Variants in FAXC observed in about 807,000 individuals in gnomAD.
FAXC encodes the protein failed axon connections homolog, metaxin like GST domain containing.
A neutral mutation model predicts 41.9 loss-of-function variants in FAXC; 10 were observed. The ratio of observed to expected loss-of-function variants is 0.24; its 90% CI spans 0.15 to 0.41. The LOEUF (loss-of-function observed/expected upper bound fraction) is 0.41, where lower values mean the gene tolerates loss of function less well. Ranked by LOEUF, FAXC falls within the 10% of genes least tolerant of loss-of-function variation. The probability of loss-of-function intolerance (pLI) is 1.00; values close to 1 mark genes in which losing one functional copy is unlikely to be tolerated. For missense variants in FAXC, 399 were observed against 510.9 expected, an observed-to-expected ratio of 0.78 and a Z score of 2.11; for synonymous variants, 183 against 183.8, an observed-to-expected ratio of 1.00 and a Z score of 0.03.
At chr6:99,331,898 T>C (rs1488210560) in intron 3 of FAXC, among the ~76,000 whole-genome samples, 1 of 152,224 alleles carries the variant, frequency 6.6e-6, no homozygotes, top group East Asian at 1.9e-4. Context: ...GATGCAGTCA[T>C]GCATTCTGGT....
chr6:99,301,408 T>C (rs1771701247), intron 4 of FAXC, among the ~76,000 whole-genome samples: 2 of 152,230 alleles, frequency 1.3e-5, no homozygotes, highest in South Asian at 4.1e-4. Context: ...GCCACAGGCA[T>C]TGCATGCTTG....
At chr6:99,348,517 T>C (rs146204199) in intron 1 of FAXC, among the ~76,000 whole-genome samples, 4 of 152,262 alleles carry the variant, frequency 2.6e-5, no homozygotes, top group Non-Finnish European at 5.9e-5. Flanking sequence ...CACACAACAA[T>C]GACATCTAAG....
intron 4 of FAXC, among the ~76,000 whole-genome samples, chr6:99,296,347 G>C (rs1198194499): frequency 6.6e-6 from 1 of 152,046 alleles, no homozygotes; most frequent in African/African-American, 2.4e-5. Flanking sequence ...AGACTTGGGT[G>C]GTGAGGCACT....
intron 1 of FAXC, among the ~76,000 whole-genome samples, chr6:99,347,973 C>A (rs1773658876): frequency 6.6e-6 from 1 of 152,214 alleles, no homozygotes; most frequent in Non-Finnish European, 1.5e-5. Context: ...CAATACATTT[C>A]TCCAAACCTA....
chr6:99,294,445 T>C (rs950686130), intron 4 of FAXC, among the ~76,000 whole-genome samples: 7 of 152,242 alleles, frequency 4.6e-5, no homozygotes, highest in Non-Finnish European at 7.4e-5. Flanking sequence ...CCCTGTGGGA[T>C]TGTACCAGGC....
rs1411216175 is a variant in FAXC at position 99,333,460 on chromosome 6, T to A, written c.490A>T (p.Ile164Phe). Residue 164 changes from isoleucine to phenylalanine, a missense_variant, in exon 3 of 6, where the codon ATT becomes TTT. This residue lies in a region of FAXC where 239 missense variants were observed against 352.7 expected (regional missense o/e 0.68). Transcript: ENST00000389677. ...HEKVSGTEFI[I>F]DFLEEKLGVN... is the part of the protein sequence containing the mutation. ...CCAAGCTTCTCTTCCAGAAAGTCAA[T>A]TATGAATTCTGTGCCAGAAACTTTT... The A allele has an allele frequency of 4.3e-6, 7 of 1,614,042 alleles. No individual in the cohort carries two copies. Among genetic ancestry groups the A allele is most frequent in the Non-Finnish European group, 5.1e-6 (6 of 1,180,036 alleles).
intron 5 of FAXC, among the ~76,000 whole-genome samples, chr6:99,283,861 T>C (rs1770920789): frequency 6.6e-6 from 1 of 152,168 alleles, no homozygotes; most frequent in Non-Finnish European, 1.5e-5. Flanking sequence ...ATCCATTCCT[T>C]ACTAGCTTTT....
chr6:99,293,341 C>T (rs181245699), intron 4 of FAXC, among the ~76,000 whole-genome samples: 6 of 152,266 alleles, frequency 3.9e-5, no homozygotes, highest in African/African-American at 1.2e-4. Context: ...TCATGCTGTG[C>T]ACCCTCTCTC....
At chr6:99,304,237 GATTGCACC>G (rs1456012040) in intron 4 of FAXC, among the ~76,000 whole-genome samples, 23 of 152,016 alleles carry the variant, frequency 1.5e-4, no homozygotes, top group African/African-American at 5.1e-4. Flanking sequence ...AGTGAGACGA[GATTGCACC>G]ATTGCACTCC....
chr6:99,318,509 G>C (rs1772462821), intron 4 of FAXC, among the ~76,000 whole-genome samples: 1 of 152,038 alleles, frequency 6.6e-6, no homozygotes. Flanking sequence ...CCTTCCTTAT[G>C]CTTTTCTGAG....
chr6:99,298,070 T>G (rs920068488), intron 4 of FAXC, among the ~76,000 whole-genome samples: 3 of 152,148 alleles, frequency 2.0e-5, no homozygotes, highest in Non-Finnish European at 4.4e-5. Context: ...TCTCAAACTT[T>G]AGAGGTATTA....
rs529674035 is a variant in FAXC, at chr6:99,324,834, T to C, written c.600-1167A>G. Among the ~76,000 whole-genome samples the C allele has an allele frequency of 2.4e-3, 359 of 152,280 alleles. 1 individual carries two copies. The highest frequency in any genetic ancestry group is 1.3e-3 in the Non-Finnish European group (89 of 68,030). The stretch of plus-strand genomic sequence containing the variant: ...TCCCTAATGAGTAATAAAAGATGTA[T>C]TGGCAATCACCTCTACTCTTAGTGC... On this transcript the variant is annotated intron_variant, in intron 3 of 5. Coordinates refer to ENST00000389677, the MANE Select transcript of FAXC (RefSeq NM_032511.4).
chr6:99,349,154 A>C lies in FAXC; in HGVS notation c.219T>G (p.Ala73=), dbSNP rs370110192. The C allele has an allele frequency of 3.1e-6, 5 of 1,613,592 alleles. No individual in the cohort carries two copies. In the African/African-American group the frequency reaches 4.0e-5, roughly 13 times the overall value. ...WKKTLYLTGG[A]LLAAAAYLLH... ...GCAGATACGCAGCTGCGGCCAGCAAAGCTCCCCCGGTCAAGTAAAGGGTTT... is the reference window on the plus strand; with the variant it reads ...GCAGATACGCAGCTGCGGCCAGCAACGCTCCCCCGGTCAAGTAAAGGGTTT... Residue 73 remains alanine (A), a synonymous_variant, in exon 1 of 6, where the codon GCT becomes GCG. Coordinates refer to ENST00000389677, the MANE Select transcript of FAXC (RefSeq NM_032511.4).
In FAXC at chr6:99,349,366, A is replaced by G. The variant is rs1413514763; in HGVS notation, c.7T>C (p.Trp3Arg). Reference protein sequence around the residue: MHWGVGFASSRPC... With the variant: MHRGVGFASSRPC... ...CTGGACGAAGCAAAGCCAACCCCCC[A>G]GTGCATGCTGCGCGGCTGGCTCCGG... Residue 3 changes from tryptophan to arginine, a missense_variant, in exon 1 of 6, where the codon TGG (tryptophan) becomes CGG (arginine). Physicochemically the swap from Trp to Arg is moderately radical, Grantham distance 101 (BLOSUM62 -3). Transcript: ENST00000389677. 6 of 1,609,974 alleles carry G rather than the reference A, an allele frequency of 3.7e-6. No homozygotes were observed. The highest frequency in any genetic ancestry group is 4.2e-6 in the Non-Finnish European group (5 of 1,178,730).
chr6:99,341,493 T>TA (rs1773426295), intron 2 of FAXC, among the ~76,000 whole-genome samples: 1 of 152,066 alleles, frequency 6.6e-6, no homozygotes, highest in East Asian at 1.9e-4. Context: ...TCAAGTTTTT[T>TA]AAAAAATAGG....
chr6:99,320,667 C>T (rs1299968061), intron 4 of FAXC, among the ~76,000 whole-genome samples: 1 of 152,186 alleles, frequency 6.6e-6, no homozygotes, highest in African/African-American at 2.4e-5. Flanking sequence ...TAATTACTGT[C>T]CTTTATAAGA....
At chr6:99,297,516 C>CAGAG (rs1203473751) in intron 4 of FAXC, among the ~76,000 whole-genome samples, 1 of 152,088 alleles carries the variant, frequency 6.6e-6, no homozygotes, top group Non-Finnish European at 1.5e-5. Flanking sequence ...AGGGGACAAG[C>CAGAG]AGAGAGCCAC....
At chr6:99,341,948 G>T (rs1350676517) in intron 2 of FAXC, among the ~76,000 whole-genome samples, 1 of 152,066 alleles carries the variant, frequency 6.6e-6, no homozygotes, top group Non-Finnish European at 1.5e-5. Context: ...CTAGAACTTG[G>T]TTAAAAATAA....
At chr6:99,329,217 C>T (rs955282988) in intron 3 of FAXC, among the ~76,000 whole-genome samples, 5 of 152,082 alleles carry the variant, frequency 3.3e-5, no homozygotes, top group Non-Finnish European at 5.9e-5. Context: ...CTTATCACAA[C>T]GAATGTATCT....
Sources: allele counts gnomAD v4.1 joint callset (sites outside exome capture counted in the v4.1 genomes callset), GRCh38; gene constraint gnomAD v4.1.1; regional missense constraint gnomAD v4.1.1; transcripts MANE v1.5; gene names NCBI Gene and HGNC (gene_info 2026-07-23, HGNC 2026-07-21).